MDGA2: variants seen among roughly 807,000 people sequenced by gnomAD.
The protein encoded by MDGA2 is MAM domain-containing glycosylphosphatidylinositol anchor protein 2.
Under a neutral mutation model 117.8 loss-of-function variants are expected in MDGA2, and 40 were observed. The ratio of observed to expected loss-of-function variants is 0.34; its 90% CI spans 0.26 to 0.44. The LOEUF (loss-of-function observed/expected upper bound fraction) is 0.44, where lower values mean the gene tolerates loss of function less well. Ranked by LOEUF, MDGA2 falls within the 20% of genes least tolerant of loss-of-function variation. MDGA2 has a pLI of 1.00. For missense variants in MDGA2, 1,123 were observed against 1,250.6 expected, an observed-to-expected ratio of 0.90 and a Z score of 1.54; for synonymous variants, 452 against 439.0, an observed-to-expected ratio of 1.03 and a Z score of -0.37.
At chr14:47,578,027 A>G (rs991287420) in intron 1 of MDGA2, among the ~76,000 whole-genome samples, 2 of 152,244 alleles carry the variant, frequency 1.3e-5, no homozygotes, top group Non-Finnish European at 2.9e-5. Context: ...CCAAATGTCC[A>G]TCAATGATAG....
chr14:47,591,950 A>G (rs916823384), intron 1 of MDGA2, among the ~76,000 whole-genome samples: 1 of 152,018 alleles, frequency 6.6e-6, no homozygotes, highest in Non-Finnish European at 1.5e-5. Flanking sequence ...CAATAGAAAG[A>G]AATAAAGTGT....
intron 1 of MDGA2, among the ~76,000 whole-genome samples, chr14:47,521,514 G>A (rs1460848247): frequency 6.6e-6 from 1 of 152,104 alleles, no homozygotes; most frequent in Non-Finnish European, 1.5e-5. Flanking sequence ...AAAAATTGAG[G>A]CTCAAAGAGT....
chr14:47,295,199 G>A (rs1234957629), intron 2 of MDGA2, among the ~76,000 whole-genome samples: 2 of 152,126 alleles, frequency 1.3e-5, no homozygotes, highest in African/African-American at 4.8e-5. Context: ...GAAAAGCAGA[G>A]CTGCTTTGAT....
chr14:47,388,734 A>T (rs1444694937), intron 1 of MDGA2, among the ~76,000 whole-genome samples: 1 of 152,160 alleles, frequency 6.6e-6, no homozygotes, highest in Non-Finnish European at 1.5e-5. Context: ...GTCTCAGAGA[A>T]AAAGGGGAAA....
intron 8 of MDGA2, among the ~76,000 whole-genome samples, chr14:47,019,468 A>T (rs574721468): frequency 1.3e-5 from 2 of 152,282 alleles, no homozygotes; most frequent in South Asian, 4.1e-4. Context: ...GTAATGGCCA[A>T]AACCGCAATT....
At chr14:47,558,597 G>A (rs1243616153) in intron 1 of MDGA2, among the ~76,000 whole-genome samples, 1 of 152,178 alleles carries the variant, frequency 6.6e-6, no homozygotes, top group East Asian at 1.9e-4. Flanking sequence ...ATTAGCCTCT[G>A]CTTTCAGGGA....
chr14:47,666,764 G>C (rs1229705683), intron 1 of MDGA2, among the ~76,000 whole-genome samples: 1 of 152,050 alleles, frequency 6.6e-6, no homozygotes, highest in Non-Finnish European at 1.5e-5. Flanking sequence ...AATAAATCTT[G>C]CTGTTGCTCA....
intron 1 of MDGA2, among the ~76,000 whole-genome samples, chr14:47,588,300 C>T (rs1896371134): frequency 6.9e-6 from 1 of 144,566 alleles, no homozygotes; most frequent in Admixed American, 7.0e-5. Context: ...ATTGGTGGCT[C>T]ATAAGTAATT....
intron 8 of MDGA2, among the ~76,000 whole-genome samples, chr14:46,958,787 T>C (rs1320856357): frequency 6.6e-6 from 1 of 152,262 alleles, no homozygotes; most frequent in African/African-American, 2.4e-5. Context: ...GATTTTTTGC[T>C]TAACTGAATT....
At chr14:47,200,904 C>T in intron 3 of MDGA2, 1 of 844,790 alleles carries the variant, frequency 1.2e-6, no homozygotes, top group Non-Finnish European at 2.0e-6. Context: ...GCGGCCTGGC[C>T]TCGCTTGGTC....
chr14:47,013,535 A>G (rs1290766002), intron 8 of MDGA2, among the ~76,000 whole-genome samples: 1 of 151,854 alleles, frequency 6.6e-6, no homozygotes, highest in Non-Finnish European at 1.5e-5. Flanking sequence ...ATTAATGTTT[A>G]TATTTTGACC....
At chr14:47,332,200 T>A (rs1051726012) in intron 1 of MDGA2, among the ~76,000 whole-genome samples, 1 of 152,046 alleles carries the variant, frequency 6.6e-6, no homozygotes, top group Non-Finnish European at 1.5e-5. Flanking sequence ...TTGTCTCAGC[T>A]TTCTCAGCTG....
intron 1 of MDGA2, among the ~76,000 whole-genome samples, chr14:47,362,182 T>C (rs1455170434): frequency 1.3e-5 from 2 of 152,168 alleles, no homozygotes; most frequent in South Asian, 2.1e-4. Flanking sequence ...GCATTACTGA[T>C]TGAATCTCAT....
chr14:47,379,511 G>C (rs746113911), intron 1 of MDGA2, among the ~76,000 whole-genome samples: 1 of 152,094 alleles, frequency 6.6e-6, no homozygotes, highest in Non-Finnish European at 1.5e-5. Context: ...TCAAAATAAA[G>C]GGATGGAGGA....
chr14:47,187,819 G>A (rs186363875), intron 3 of MDGA2, among the ~76,000 whole-genome samples: 48 of 152,006 alleles, frequency 3.2e-4, no homozygotes, highest in African/African-American at 1.1e-3. Context: ...TAAATATATC[G>A]GAAGGAAAAT....
At chr14:47,506,919 G>A (rs529609074) in intron 1 of MDGA2, among the ~76,000 whole-genome samples, 8 of 151,590 alleles carry the variant, frequency 5.3e-5, no homozygotes, top group African/African-American at 1.2e-4. Flanking sequence ...GGATGCCAGC[G>A]TGAGTTTAGA....
At chr14:47,140,628 C>T (rs1226481426) in intron 4 of MDGA2, among the ~76,000 whole-genome samples, 2 of 152,086 alleles carry the variant, frequency 1.3e-5, no homozygotes, top group Admixed American at 1.3e-4. Context: ...TGAATATTCA[C>T]ATGCAGAAAA....
chr14:47,608,425 T>A (rs1440934413), intron 1 of MDGA2, among the ~76,000 whole-genome samples: 1 of 152,114 alleles, frequency 6.6e-6, no homozygotes, highest in Non-Finnish European at 1.5e-5. Context: ...CATATGATGT[T>A]CACGAGAAAA....
At chr14:47,637,896 A>G (rs1897352565) in intron 1 of MDGA2, among the ~76,000 whole-genome samples, 1 of 152,208 alleles carries the variant, frequency 6.6e-6, no homozygotes, top group African/African-American at 2.4e-5. Context: ...AAAACACACT[A>G]AGATTAAATG....
Sources: gnomAD v4.1 joint callset for allele counts (sites outside exome capture counted in the v4.1 genomes callset) on GRCh38, gnomAD v4.1.1 for gene constraint, MANE v1.5 for transcripts, NCBI Gene and HGNC (gene_info 2026-07-23, HGNC 2026-07-21) for gene names.